The following SLC24A2 variants were observed in gnomAD, a reference collection of about 807,000 sequenced individuals.
SLC24A2 encodes sodium/potassium/calcium exchanger 2.
Under a neutral mutation model 62.0 loss-of-function variants are expected in SLC24A2, and 36 were observed. The observed-to-expected ratio is 0.58, with a 90% CI of 0.44 to 0.77. The LOEUF is 0.77. Among genes scored for constraint, SLC24A2 ranks in the 30% least tolerant of loss-of-function variants. SLC24A2 has a pLI of 0.00. For missense variants in SLC24A2, 846 were observed against 817.9 expected, an observed-to-expected ratio of 1.03 and a Z score of -0.42; for synonymous variants, 358 against 294.0, an observed-to-expected ratio of 1.22 and a Z score of -2.23.
intron 2 of SLC24A2, among the ~76,000 whole-genome samples, chr9:19,668,367 C>T (rs1038012146): frequency 3.9e-5 from 6 of 152,120 alleles, no homozygotes; most frequent in African/African-American, 1.4e-4. Context: ...AATTGCACAG[C>T]CCAGATGCTC....
At chr9:19,817,023 G>A in the SLC24A2 span, among the ~76,000 whole-genome samples, 331 of 152,246 alleles carry the variant, frequency 2.2e-3, 1 homozygote, top group African/African-American at 6.8e-3. Flanking sequence ...AATGAAAAAG[G>A]AATGAATGCA....
chr9:19,747,550 T>C (rs149437025), intron 2 of SLC24A2, among the ~76,000 whole-genome samples: 4 of 152,202 alleles, frequency 2.6e-5, no homozygotes, highest in Non-Finnish European at 5.9e-5. Context: ...GTAATCAGCA[T>C]TTAATAGAAG....
Position 19,510,397 on chromosome 9 carries a change from CAA to C in SLC24A2, c.*5754_*5755del, listed in dbSNP as rs1446569379. 9.6e-6 allele frequency: 1 copy of C among 104,662 alleles called. No individual in the cohort carries two copies. 6.5% of individuals were successfully genotyped at this position (104,662 alleles called of 1,614,324 possible). On this transcript the variant is annotated 3_prime_UTR_variant, in exon 11 of 11. Coordinates refer to ENST00000341998, the MANE Select transcript of SLC24A2 (RefSeq NM_020344.4). Reference sequence around the variant, plus strand: ...ATAGCGGTAACTTCCAACTATGGGGCAAAGAGTGAAGAGTGCCCAGATGCAGT... The same window carrying C: ...ATAGCGGTAACTTCCAACTATGGGGCAGAGTGAAGAGTGCCCAGATGCAGT...
intron 8 of SLC24A2, among the ~76,000 whole-genome samples, chr9:19,545,204 C>T (rs1165980123): frequency 6.6e-6 from 1 of 151,832 alleles, no homozygotes; most frequent in Non-Finnish European, 1.5e-5. Context: ...ATCCTTTCTT[C>T]TGCTTGATTG....
intron 4 of SLC24A2, among the ~76,000 whole-genome samples, chr9:19,610,726 A>C (rs1386524926): frequency 6.6e-6 from 1 of 152,260 alleles, no homozygotes; most frequent in African/African-American, 2.4e-5. Context: ...TCATAGCTGC[A>C]AGAGAACCAT....
At chr9:19,805,148 G>T in the SLC24A2 span, among the ~76,000 whole-genome samples, 1 of 152,086 alleles carries the variant, frequency 6.6e-6, no homozygotes, top group Admixed American at 6.5e-5. Context: ...GTCAATAATG[G>T]AATAATTTTA....
chr9:19,784,324 G>T (rs1256435942), intron 2 of SLC24A2, among the ~76,000 whole-genome samples: 1 of 152,130 alleles, frequency 6.6e-6, no homozygotes, highest in African/African-American at 2.4e-5. Context: ...ATATACCATT[G>T]GATTGCTCTG....
chr9:19,634,389 A>G (rs1410476712), intron 2 of SLC24A2, among the ~76,000 whole-genome samples: 1 of 150,278 alleles, frequency 6.7e-6, no homozygotes, highest in Non-Finnish European at 1.5e-5. Flanking sequence ...CCCGGTTTCA[A>G]GCAATTCTCC....
chr9:19,582,934 G>A (rs926899462), intron 5 of SLC24A2, among the ~76,000 whole-genome samples: 1 of 151,912 alleles, frequency 6.6e-6, no homozygotes, highest in Non-Finnish European at 1.5e-5. Context: ...CACCCAACCA[G>A]CACCAAGTCA....
intron 4 of SLC24A2, among the ~76,000 whole-genome samples, chr9:19,605,533 T>C (rs533999021): frequency 1.3e-5 from 2 of 152,356 alleles, no homozygotes; most frequent in South Asian, 2.1e-4. Context: ...TCGGTTCCCA[T>C]GTTATCTTAT....
the SLC24A2 span, among the ~76,000 whole-genome samples, chr9:20,153,808 A>C: frequency 6.6e-6 from 1 of 152,026 alleles, no homozygotes; most frequent in Non-Finnish European, 1.5e-5. Flanking sequence ...TTGTTTTGGA[A>C]TATAGGGACT....
the SLC24A2 span, among the ~76,000 whole-genome samples, chr9:19,915,099 C>T: frequency 6.6e-6 from 1 of 152,162 alleles, no homozygotes; most frequent in African/African-American, 2.4e-5. Context: ...CCTCCCAATC[C>T]CATCCTCTAC....
chr9:19,900,615 TA>T, the SLC24A2 span, among the ~76,000 whole-genome samples: 3 of 152,226 alleles, frequency 2.0e-5, no homozygotes, highest in Non-Finnish European at 4.4e-5. Context: ...TTTTAAAGGA[TA>T]ATTGTTATAA....
the SLC24A2 span, among the ~76,000 whole-genome samples, chr9:20,286,843 A>G: frequency 5.9e-5 from 9 of 152,192 alleles, no homozygotes; most frequent in African/African-American, 2.2e-4. Flanking sequence ...AGGATGCTTA[A>G]CTTGTCCAAG....
chr9:19,776,964 G>A (rs1405853624), intron 2 of SLC24A2, among the ~76,000 whole-genome samples: 2 of 152,184 alleles, frequency 1.3e-5, no homozygotes, highest in Non-Finnish European at 2.9e-5. Context: ...TGGCCAAGGA[G>A]CACATCCCAG....
the SLC24A2 span, among the ~76,000 whole-genome samples, chr9:20,283,783 A>G: frequency 2.6e-5 from 4 of 151,326 alleles, no homozygotes. Flanking sequence ...TGATCCTACA[A>G]CTTTATAGGC....
the SLC24A2 span, among the ~76,000 whole-genome samples, chr9:19,903,088 A>G: frequency 6.6e-6 from 1 of 150,912 alleles, no homozygotes; most frequent in East Asian, 1.9e-4. Flanking sequence ...AACTCCCATT[A>G]TCAGATCGAG....
chr9:19,986,181 T>TG, the SLC24A2 span, among the ~76,000 whole-genome samples: 30 of 152,218 alleles, frequency 2.0e-4, no homozygotes, highest in Middle Eastern at 6.8e-3. Flanking sequence ...CATGAAAAGA[T>TG]GCTCAACATC....
At chr9:19,775,330 G>A (rs188808198) in intron 2 of SLC24A2, among the ~76,000 whole-genome samples, 23 of 152,300 alleles carry the variant, frequency 1.5e-4, no homozygotes, top group African/African-American at 5.5e-4. Flanking sequence ...TTTTCCACCT[G>A]ATGACAAGCT....
Sources: allele counts gnomAD v4.1 joint callset (sites outside exome capture counted in the v4.1 genomes callset), GRCh38; gene constraint gnomAD v4.1.1; transcripts MANE v1.5; gene names NCBI Gene and HGNC (gene_info 2026-07-23, HGNC 2026-07-21).